Variants in ARHGEF12 observed in about 807,000 individuals in gnomAD.
The protein encoded by ARHGEF12 is KMT2A/ARHGEF12 fusion protein.
In ARHGEF12, 66 loss-of-function variants were observed where a neutral mutation model predicts 211.2. That is an observed-to-expected ratio of 0.31 (90% confidence interval 0.26 to 0.38). The LOEUF (loss-of-function observed/expected upper bound fraction) is 0.38. Among genes scored for constraint, ARHGEF12 ranks in the 10% least tolerant of loss-of-function variants. ARHGEF12 has a pLI of 1.00. For missense variants in ARHGEF12, 1,429 were observed against 1,869.5 expected (o/e 0.76, Z 4.34); for synonymous variants, 592 against 638.4 (o/e 0.93, Z 1.09).
chr11:120,377,784 A>G (rs58073046), intron 1 of ARHGEF12, among the ~76,000 whole-genome samples: 13,654 of 152,002 alleles, frequency 0.09, 859 homozygotes, highest in South Asian at 0.21. Context: ...GGAGGTTTGG[A>G]TTGTTTCCAG....
At chr11:120,411,494 C>T (rs1340719222) in intron 4 of ARHGEF12, 6 of 149,232 alleles carry the variant, frequency 4.0e-5, no homozygotes, top group African/African-American at 1.5e-4. Flanking sequence ...AGAGATTATA[C>T]ATTGCTTTCT....
At chr11:120,383,822 G>A (rs529407933) in intron 1 of ARHGEF12, among the ~76,000 whole-genome samples, 1 of 152,208 alleles carries the variant, frequency 6.6e-6, no homozygotes, top group Admixed American at 6.5e-5. Context: ...CAGTGAAAAA[G>A]TTTGATAGAG....
At chr11:120,410,280 GT>G (rs1220947081) in intron 4 of ARHGEF12, 2 of 137,212 alleles carry the variant, frequency 1.5e-5, no homozygotes, top group African/African-American at 5.6e-5. Flanking sequence ...TCTGATTAGG[GT>G]TTTGTTTTGG....
chr11:120,386,385 T>A (rs903585396), intron 1 of ARHGEF12, among the ~76,000 whole-genome samples: 1 of 152,132 alleles, frequency 6.6e-6, no homozygotes, highest in African/African-American at 2.4e-5. Flanking sequence ...AGCATTTAAG[T>A]GCTACAGACT....
At chr11:120,459,556 C>T (rs1249071913) in intron 26 of ARHGEF12, among the ~76,000 whole-genome samples, 3 of 152,078 alleles carry the variant, frequency 2.0e-5, no homozygotes, top group Non-Finnish European at 4.4e-5. Context: ...AGGTGAAAAA[C>T]ATGAATAGTC....
chr11:120,372,784 C>G (rs956110930), intron 1 of ARHGEF12, among the ~76,000 whole-genome samples: 1 of 152,080 alleles, frequency 6.6e-6, no homozygotes, highest in East Asian at 1.9e-4. Context: ...TATAGCTTCT[C>G]TACCTTAGCT....
At chr11:120,458,427 T>A in intron 25 of ARHGEF12, 193 bp downstream of exon 25, 1 of 567,232 alleles carries the variant, frequency 1.8e-6, no homozygotes, top group Non-Finnish European at 3.0e-6. Flanking sequence ...ATTGATAATT[T>A]AAAAGGAAAA....
intron 12 of ARHGEF12, chr11:120,439,890 G>A (rs560480402): frequency 4.8e-5 from 22 of 456,914 alleles, no homozygotes; most frequent in East Asian, 3.0e-4. Context: ...GTTTCCAAGG[G>A]GAGTGGTTTT....
chr11:120,482,970 C>T (rs1050411610), intron 39 of ARHGEF12, among the ~76,000 whole-genome samples: 2 of 152,042 alleles, frequency 1.3e-5, no homozygotes, highest in Admixed American at 1.3e-4. Flanking sequence ...GATGAGATAT[C>T]GACAAGCCCA....
intron 39 of ARHGEF12, among the ~76,000 whole-genome samples, chr11:120,483,427 A>ATT (rs375679841): frequency 3.1e-4 from 37 of 121,064 alleles, no homozygotes; most frequent in Non-Finnish European, 5.9e-4. Flanking sequence ...GCCCAGATAA[A>ATT]TTTTTTTTTT....
chr11:120,361,422 G>A (rs1051461423), intron 1 of ARHGEF12, among the ~76,000 whole-genome samples: 3 of 152,204 alleles, frequency 2.0e-5, no homozygotes, highest in African/African-American at 7.2e-5. Flanking sequence ...ATCCCCATCT[G>A]TGGAAAAATT....
chr11:120,467,813 G>A (rs989323064), intron 29 of ARHGEF12, among the ~76,000 whole-genome samples: 2 of 152,106 alleles, frequency 1.3e-5, no homozygotes, highest in South Asian at 2.1e-4. Context: ...TTTAGTACGG[G>A]GTATATCAAA....
At chr11:120,431,106 A>G (rs758392316) in intron 10 of ARHGEF12, among the ~76,000 whole-genome samples, 1 of 152,028 alleles carries the variant, frequency 6.6e-6, no homozygotes, top group Non-Finnish European at 1.5e-5. Flanking sequence ...CCTGGCCAAC[A>G]TGGTGAAACT....
At chr11:120,467,420 A>G (rs2135938593) in intron 29 of ARHGEF12, 112 bp downstream of exon 29, 1 of 482,732 alleles carries the variant, frequency 2.1e-6, no homozygotes, top group Non-Finnish European at 3.6e-6. Context: ...TCCAAATAGT[A>G]TGACAAGATT....
intron 1 of ARHGEF12, among the ~76,000 whole-genome samples, chr11:120,380,470 C>T (rs1490345150): frequency 1.3e-5 from 2 of 152,148 alleles, no homozygotes; most frequent in Non-Finnish European, 2.9e-5. Context: ...GACAGTTTCT[C>T]AGTTTTTCCT....
At chr11:120,382,767 G>C (rs1943912776) in intron 1 of ARHGEF12, among the ~76,000 whole-genome samples, 1 of 152,138 alleles carries the variant, frequency 6.6e-6, no homozygotes, top group African/African-American at 2.4e-5. Context: ...TGGATATTCA[G>C]AAAAATTAAG....
At chr11:120,477,602 T>A in intron 36 of ARHGEF12, 76 bp downstream of exon 36, 1 of 1,396,118 alleles carries the variant, frequency 7.2e-7, no homozygotes, top group Non-Finnish European at 1.0e-6. Context: ...TGGTGGCTCA[T>A]GCCTGTAATC....
In ARHGEF12 at chr11:120,449,181, C is replaced by T. The variant is rs769570359; in HGVS notation, c.1810C>T (p.Pro604Ser). The change falls in exon 21 of 41, where the codon CCA becomes TCA. Residue 604 changes from proline to serine, a missense_variant. Pro to Ser is a moderately conservative substitution (Grantham distance 74). This residue lies in a region of ARHGEF12 where 373 missense variants were observed against 467.5 expected (regional missense o/e 0.80). Transcript: ENST00000397843. ...AGGATTCCCCAGCATCCTGGGACCCCCACGGAGACCAAGCCGTCATGACAA... is the reference window on the plus strand; with the variant it reads ...AGGATTCCCCAGCATCCTGGGACCCTCACGGAGACCAAGCCGTCATGACAA... The part of the protein sequence containing the change: ...RRGFPSILGP[P>S]RRPSRHDNSA... 6.2e-7 allele frequency: 1 copy of T among 1,614,064 alleles called. No individual in the cohort carries two copies. The highest frequency in any genetic ancestry group is 1.1e-5 in the South Asian group (1 of 91,060).
intron 1 of ARHGEF12, among the ~76,000 whole-genome samples, chr11:120,367,971 A>G (rs1943476114): frequency 6.6e-6 from 1 of 152,286 alleles, no homozygotes; most frequent in South Asian, 2.1e-4. Context: ...ACAGAGCAAG[A>G]CCTCGTCTCA....
Sources: allele counts gnomAD v4.1 joint callset (sites outside exome capture counted in the v4.1 genomes callset), GRCh38; gene constraint gnomAD v4.1.1; regional missense constraint gnomAD v4.1.1; transcripts MANE v1.5; gene names NCBI Gene and HGNC (gene_info 2026-07-23, HGNC 2026-07-21).